Variants in PRKCA observed in about 807,000 individuals in gnomAD.
The protein encoded by PRKCA is protein kinase C alpha.
In PRKCA, 27 loss-of-function variants were observed where a neutral mutation model predicts 87.0. The observed-to-expected ratio is 0.31, with a 90% confidence interval of 0.23 to 0.43. PRKCA has a LOEUF of 0.43. PRKCA is among the 20% of genes least tolerant of loss of function. The pLI, the probability that PRKCA is intolerant of heterozygous loss-of-function variation, is 1.00. For synonymous variants in PRKCA, 329 were observed against 311.1 expected, an observed-to-expected ratio of 1.06 and a Z score of -0.61; for missense variants, 518 against 852.3, an observed-to-expected ratio of 0.61 and a Z score of 4.88.
At chr17:66,446,239 A>G (rs199746764) in intron 2 of PRKCA, among the ~76,000 whole-genome samples, 3 of 33,050 alleles carry the variant, frequency 9.1e-5, no homozygotes, top group Non-Finnish European at 2.5e-4. Flanking sequence ...TCTCTTCCCA[A>G]CACACACACA....
At chr17:66,436,728 C>T (rs571968664) in intron 2 of PRKCA, among the ~76,000 whole-genome samples, 50 of 152,284 alleles carry the variant, frequency 3.3e-4, no homozygotes, top group African/African-American at 8.9e-4. Context: ...TGGGAAATAC[C>T]TCTGTGGATT....
rs755103593 is a variant in PRKCA, at chr17:66,438,834, C to T, written c.206-57367C>T. On this transcript the variant is annotated intron_variant, in intron 2 of 16. Transcript: ENST00000413366. ...AGCTCTTGTGAGAAACTAACTCTCA[C>T]GAGAACAGGATGGGGGATACTGCCC... Among the ~76,000 whole-genome samples, 4 of 152,218 alleles carry T rather than the reference C, an allele frequency of 2.6e-5. No individual in the cohort carries two copies. The South Asian group carries it at 6.2e-4, about 24-fold the overall frequency.
rs57292153 is a variant in PRKCA at position 66,347,941 on chromosome 17, CTTTTTT to C, written c.205+41828_205+41833del. On this transcript the variant is annotated intron_variant, in intron 2 of 16. Coordinates refer to ENST00000413366, the MANE Select transcript of PRKCA (RefSeq NM_002737.3). ...AGAATATTTACTCAGAATTCTGAAC[CTTTTTT>C]TTTTTTTTTTTTTGAGACAAAGTCT... Among the ~76,000 whole-genome samples the C allele has an allele frequency of 6.2e-4, 35 of 56,440 alleles. 2 individuals are homozygous for C. The highest frequency in any genetic ancestry group is 1.5e-3 in the Admixed American group (4 of 2,596). 37.0% of individuals were successfully genotyped at this position (56,440 alleles called of 152,430 possible).
chr17:66,390,068 A>G (rs1276057017), intron 2 of PRKCA, among the ~76,000 whole-genome samples: 1 of 152,182 alleles, frequency 6.6e-6, no homozygotes, highest in Non-Finnish European at 1.5e-5. Context: ...TACTAAAAAT[A>G]CAAAATTAGC....
At chr17:66,561,324 G>T (rs937462905) in intron 3 of PRKCA, among the ~76,000 whole-genome samples, 1 of 152,192 alleles carries the variant, frequency 6.6e-6, no homozygotes, top group African/African-American at 2.4e-5. Flanking sequence ...CCTTGTCCGT[G>T]TGTGAAACTC....
intron 2 of PRKCA, among the ~76,000 whole-genome samples, chr17:66,396,941 A>G (rs1173989439): frequency 6.9e-6 from 1 of 144,560 alleles, no homozygotes; most frequent in Non-Finnish European, 1.5e-5. Context: ...GCAATCATTC[A>G]GTCAAACAAT....
intron 14 of PRKCA, among the ~76,000 whole-genome samples, chr17:66,783,479 A>G (rs975506058): frequency 7.9e-5 from 12 of 152,152 alleles, no homozygotes; most frequent in Non-Finnish European, 1.5e-4. Flanking sequence ...TCCTCCTTTC[A>G]TCTATAGAAT....
At chr17:66,519,272 G>A (rs190947150) in intron 3 of PRKCA, among the ~76,000 whole-genome samples, 57 of 152,282 alleles carry the variant, frequency 3.7e-4, no homozygotes, top group African/African-American at 1.3e-3. Flanking sequence ...CAACAGTTTA[G>A]ATGGAAATTG....
chr17:66,735,768 G>A (rs1974008089), intron 10 of PRKCA, 106 bp downstream of exon 10: 2 of 1,360,874 alleles, frequency 1.5e-6, no homozygotes, highest in African/African-American at 1.4e-5. Flanking sequence ...CTGGAGAAAG[G>A]TGTGTTGTGA....
chr17:66,423,357 C>T (rs1246770102), intron 2 of PRKCA, among the ~76,000 whole-genome samples: 2 of 152,092 alleles, frequency 1.3e-5, no homozygotes, highest in Non-Finnish European at 2.9e-5. Flanking sequence ...TGTTTATGAT[C>T]CCATATTTGG....
intron 3 of PRKCA, among the ~76,000 whole-genome samples, chr17:66,612,829 C>G (rs1970407059): frequency 6.6e-6 from 1 of 150,394 alleles, no homozygotes; most frequent in Middle Eastern, 3.4e-3. Context: ...AACCTTTTTT[C>G]TCTTACAAAC....
chr17:66,368,379 TA>T (rs1908874340), intron 2 of PRKCA, among the ~76,000 whole-genome samples: 22 of 36,724 alleles, frequency 6.0e-4, no homozygotes, highest in South Asian at 2.9e-3. Flanking sequence ...TATATATATA[TA>T]TATATATTTT....
chr17:66,722,595 C>G (rs1003216808), intron 8 of PRKCA, among the ~76,000 whole-genome samples: 7 of 152,196 alleles, frequency 4.6e-5, no homozygotes, highest in African/African-American at 1.7e-4. Flanking sequence ...TCAGTGATTG[C>G]AAACTATTGT....
chr17:66,787,252 AT>A lies in PRKCA; in HGVS notation c.1713+281del, dbSNP rs1296679111. 13 of 570,152 alleles carry A rather than the reference AT, an allele frequency of 2.3e-5. No individual in the cohort carries two copies. The East Asian group carries it at 5.3e-4, about 23-fold the overall frequency. 35.3% of individuals were successfully genotyped at this position (570,152 alleles called of 1,614,324 possible). ...CTTTCACTCAATATGGTGATTGAGG[AT>A]TTAGTTCCTCCTTTCATATTGCTAT... On this transcript the variant is annotated intron_variant, in intron 15 of 16. Coordinates refer to ENST00000413366, the MANE Select transcript of PRKCA (RefSeq NM_002737.3).
intron 2 of PRKCA, among the ~76,000 whole-genome samples, chr17:66,449,501 G>A (rs1427316754): frequency 6.6e-6 from 1 of 152,114 alleles, no homozygotes; most frequent in Non-Finnish European, 1.5e-5. Context: ...TGCCCAACCA[G>A]TAGTACATCC....
chr17:66,376,614 G>C (rs1168016241), intron 2 of PRKCA, among the ~76,000 whole-genome samples: 2 of 151,058 alleles, frequency 1.3e-5, no homozygotes, highest in Admixed American at 1.3e-4. Context: ...GCGAGACTCT[G>C]TCTCAAAAAA....
rs533116862 is a variant in PRKCA at position 66,527,722 on chromosome 17, A to C, written c.288+31439A>C. On this transcript the variant is annotated intron_variant, in intron 3 of 16. Transcript: ENST00000413366. ...TTTCTACTTTTTAAGGACTAAAATCACTTTCTTGTAAAATATTACAAAGAC... is the reference window on the plus strand; with the variant it reads ...TTTCTACTTTTTAAGGACTAAAATCCCTTTCTTGTAAAATATTACAAAGAC... 1.1e-4 allele frequency among the ~76,000 whole-genome samples: 16 copies of C among 152,320 alleles called. No homozygotes were observed. The East Asian group carries it at 2.5e-3, about 24-fold the overall frequency.
At position 66,348,345 on chromosome 17, in the gene PRKCA, C is replaced by T. The variant is rs1054313873; in HGVS notation, c.205+42218C>T. On this transcript the variant is annotated intron_variant, in intron 2 of 16. Transcript: ENST00000413366. ...ATTTCATGGTGGGAAGAACATAATT[C>T]CTGCTAGTACCGCCTGGCACTGTCA... Among the ~76,000 whole-genome samples, 7 of 152,266 alleles carry T rather than the reference C, an allele frequency of 4.6e-5. 1 individual carries two copies. In the Middle Eastern group the frequency reaches 0.014, roughly 298 times the overall value.
chr17:66,425,338 C>A (rs749234219), intron 2 of PRKCA, among the ~76,000 whole-genome samples: 1 of 152,066 alleles, frequency 6.6e-6, no homozygotes, highest in Non-Finnish European at 1.5e-5. Context: ...CAGATTTGAT[C>A]GCACTGCTCA....
Sources: gnomAD v4.1 joint callset for allele counts (sites outside exome capture counted in the v4.1 genomes callset) on GRCh38, gnomAD v4.1.1 for gene constraint, MANE v1.5 for transcripts, NCBI Gene and HGNC (gene_info 2026-07-23, HGNC 2026-07-21) for gene names.